ESF1: variants seen among roughly 807,000 people sequenced by gnomAD.
The protein encoded by ESF1 is ESF1 nucleolar pre-rRNA processing protein.
Under a neutral mutation model 92.0 loss-of-function variants are expected in ESF1, and 58 were observed. The ratio of observed to expected loss-of-function variants is 0.63; its 90% confidence interval spans 0.51 to 0.78. ESF1 has a LOEUF of 0.78. Ranked by LOEUF, ESF1 falls within the 30% of genes least tolerant of loss-of-function variation. ESF1 has a pLI of 0.00. For missense variants in ESF1, 922 were observed against 989.1 expected, an observed-to-expected ratio of 0.93 and a Z score of 0.91; for synonymous variants, 321 against 313.7, an observed-to-expected ratio of 1.02 and a Z score of -0.24.
At chr20:13,747,536 G>C (rs958377350) in intron 9 of ESF1, among the ~76,000 whole-genome samples, 1 of 151,096 alleles carries the variant, frequency 6.6e-6, no homozygotes, top group East Asian at 1.9e-4. Context: ...CTGCACTGCA[G>C]CCTGCCGAGA....
At chr20:13,769,805 A>G in intron 7 of ESF1, 102 bp downstream of exon 7, 1 of 833,304 alleles carries the variant, frequency 1.2e-6, no homozygotes, top group Non-Finnish European at 1.9e-6. Flanking sequence ...TAATAACAAA[A>G]AAATTAATAC....
intron 11 of ESF1, among the ~76,000 whole-genome samples, chr20:13,724,273 C>T (rs781597787): frequency 2.6e-5 from 4 of 151,932 alleles, no homozygotes; most frequent in Admixed American, 6.6e-5. Context: ...CCAGCCTGGG[C>T]GACACAGTGA....
chr20:13,781,826 C>T (rs1980204304), intron 2 of ESF1, among the ~76,000 whole-genome samples: 1 of 152,170 alleles, frequency 6.6e-6, no homozygotes, highest in Admixed American at 6.5e-5. Flanking sequence ...GAGTACTCAA[C>T]TCTACTTACC....
chr20:13,717,350 C>A lies in ESF1; in HGVS notation c.2262+18G>T. 1 of 1,612,878 alleles carries A rather than the reference C, an allele frequency of 6.2e-7. No individual in the cohort carries two copies. Among genetic ancestry groups the A allele is most frequent in the Non-Finnish European group, 8.5e-7 (1 of 1,179,298 alleles). ...TCAATTCCAGCTTTAAGAGGCTATG[C>A]CTGGTGTCTATGGTTACCTCAAAGT... On this transcript the variant is annotated intron_variant, in intron 13 of 13. Coordinates refer to ENST00000617257, the MANE Select transcript of ESF1 (RefSeq NM_001276380.2).
At position 13,728,448 on chromosome 20, in the gene ESF1, G is replaced by A; in HGVS notation, c.1968C>T (p.Ala656=). 5.6e-6 allele frequency: 9 copies of A among 1,610,424 alleles called. No homozygotes were observed. The highest frequency in any genetic ancestry group is 7.6e-6 in the Non-Finnish European group (9 of 1,178,268). The part of the protein sequence containing the change: ...KRKQKALAEE[A]SEEELPSDVD... ...CATCAGAGGGAAGTTCCTCTTCACT[G>A]GCCTCTTCAGCAAGAGCCTTAAAAG... Residue 656 remains alanine, a synonymous_variant, in exon 11 of 14, where the codon GCC becomes GCT. Transcript: ENST00000617257.
chr20:13,718,498 CAG>C (rs1043889833), intron 12 of ESF1, among the ~76,000 whole-genome samples: 23 of 152,226 alleles, frequency 1.5e-4, no homozygotes, highest in African/African-American at 5.1e-4. Context: ...ATAAGAAAAA[CAG>C]AAATTTGCAT....
intron 9 of ESF1, among the ~76,000 whole-genome samples, chr20:13,752,962 G>A (rs1869910383): frequency 6.6e-6 from 1 of 152,118 alleles, no homozygotes; most frequent in African/African-American, 2.4e-5. Flanking sequence ...GAGACAGTAA[G>A]GGGCACCTCT....
chr20:13,717,614 C>T (rs1225194762), intron 12 of ESF1, 100 bp from the exon 13 acceptor site: 1 of 1,331,266 alleles, frequency 7.5e-7, no homozygotes, highest in Non-Finnish European at 1.0e-6. Flanking sequence ...GAAAGGAAGA[C>T]TCAATCACTA....
At chr20:13,719,089 C>A in intron 11 of ESF1, 105 bp from the exon 12 acceptor site, 2 of 699,318 alleles carry the variant, frequency 2.9e-6, no homozygotes, top group Non-Finnish European at 2.2e-6. Context: ...ATAATCTTAA[C>A]AATAAATGTG....
intron 9 of ESF1, among the ~76,000 whole-genome samples, chr20:13,747,427 T>C (rs567861523): frequency 6.6e-6 from 1 of 151,710 alleles, no homozygotes; most frequent in African/African-American, 2.4e-5. Flanking sequence ...GGCGTGGTGG[T>C]GCACACCTGT....
chr20:13,745,744 G>A (rs1402655563), intron 9 of ESF1, among the ~76,000 whole-genome samples: 2 of 152,248 alleles, frequency 1.3e-5, no homozygotes, highest in Admixed American at 1.3e-4. Flanking sequence ...GAGCTACCAT[G>A]CCTGGCCCAG....
At chr20:13,755,154 G>A (rs1169568459) in intron 9 of ESF1, among the ~76,000 whole-genome samples, 1 of 152,168 alleles carries the variant, frequency 6.6e-6, no homozygotes, top group Non-Finnish European at 1.5e-5. Flanking sequence ...CACAGAGTAG[G>A]TATTCAGTAA....
chr20:13,734,041 C>T (rs1209184172), intron 9 of ESF1, among the ~76,000 whole-genome samples, 199 bp from the exon 10 acceptor site: 1 of 152,092 alleles, frequency 6.6e-6, no homozygotes, highest in Non-Finnish European at 1.5e-5. Flanking sequence ...TTCCTAATAA[C>T]AAACAACAAT....
intron 9 of ESF1, among the ~76,000 whole-genome samples, chr20:13,749,299 C>T (rs1433369606): frequency 2.1e-5 from 3 of 144,284 alleles, no homozygotes; most frequent in Non-Finnish European, 4.5e-5. Context: ...TTGTGATCCA[C>T]CCACCTTGGC....
At chr20:13,747,453 T>TGAGGCA (rs1211603588) in intron 9 of ESF1, among the ~76,000 whole-genome samples, 4 of 151,906 alleles carry the variant, frequency 2.6e-5, no homozygotes, top group African/African-American at 7.2e-5. Context: ...CAGCTACTCG[T>TGAGGCA]GAGGCAGAGG....
chr20:13,745,697 C>T (rs567132955), intron 9 of ESF1, among the ~76,000 whole-genome samples: 1 of 152,222 alleles, frequency 6.6e-6, no homozygotes, highest in East Asian at 1.9e-4. Flanking sequence ...GGTGATCTGC[C>T]CACCTCAGCC....
rs2050005783 is a variant in ESF1, at chr20:13,740,584, A to G, written c.1829-6742T>C. On this transcript the variant is annotated intron_variant, in intron 9 of 13. Coordinates refer to ENST00000617257, the MANE Select transcript of ESF1 (RefSeq NM_001276380.2). ...AAGGAGAAAACAGAGAAGATTGGGAAAATGTAATATTCTAAGAGAAAATGG... is the reference window on the plus strand; with the variant it reads ...AAGGAGAAAACAGAGAAGATTGGGAGAATGTAATATTCTAAGAGAAAATGG... 2.0e-5 allele frequency among the ~76,000 whole-genome samples: 3 copies of G among 152,362 alleles called. No homozygotes were observed. The South Asian group carries it at 6.2e-4, about 32-fold the overall frequency.
intron 2 of ESF1, among the ~76,000 whole-genome samples, chr20:13,778,599 T>C (rs1311396180): frequency 6.6e-6 from 1 of 152,188 alleles, no homozygotes; most frequent in Non-Finnish European, 1.5e-5. Flanking sequence ...TTTAGAAGTT[T>C]GAGTATCATC....
intron 10 of ESF1, among the ~76,000 whole-genome samples, chr20:13,729,590 A>G (rs1266965445): frequency 6.6e-6 from 1 of 152,216 alleles, no homozygotes. Context: ...TACTTGAAGT[A>G]GTGCACTGTG....
Sources: allele counts gnomAD v4.1 joint callset (sites outside exome capture counted in the v4.1 genomes callset), GRCh38; gene constraint gnomAD v4.1.1; transcripts MANE v1.5; gene names NCBI Gene and HGNC (gene_info 2026-07-23, HGNC 2026-07-21).